The following CLVS1 variants were observed in gnomAD, a reference collection of about 807,000 sequenced individuals.
CLVS1 encodes clavesin-1.
Under a neutral mutation model 33.1 loss-of-function variants are expected in CLVS1, and 10 were observed. The ratio of observed to expected loss-of-function variants is 0.30; its 90% CI spans 0.19 to 0.51. The LOEUF is 0.51. Ranked by LOEUF, CLVS1 falls within the 20% of genes least tolerant of loss-of-function variation. The probability of loss-of-function intolerance (pLI) is 0.97; values close to 1 mark genes in which losing one functional copy is unlikely to be tolerated. For synonymous variants in CLVS1, 163 were observed against 166.1 expected, an observed-to-expected ratio of 0.98 and a Z score of 0.14; for missense variants, 343 against 433.4, an observed-to-expected ratio of 0.79 and a Z score of 1.85.
chr8:61,130,648 C>T (rs1282099204), intron 1 of CLVS1, among the ~76,000 whole-genome samples: 10 of 152,164 alleles, frequency 6.6e-5, no homozygotes, highest in African/African-American at 1.9e-4. Flanking sequence ...AGTTAAAAGG[C>T]ATATATTCAA....
At chr8:61,426,038 A>G (rs1815879866) in intron 3 of CLVS1, among the ~76,000 whole-genome samples, 1 of 152,210 alleles carries the variant, frequency 6.6e-6, no homozygotes, top group Non-Finnish European at 1.5e-5. Flanking sequence ...AAGTTTATCC[A>G]GAGTTAGAAC....
chr8:61,111,827 A>T (rs910641492), intron 1 of CLVS1, among the ~76,000 whole-genome samples: 6 of 152,200 alleles, frequency 3.9e-5, no homozygotes, highest in African/African-American at 1.4e-4. Flanking sequence ...TATAGATTTT[A>T]AAATATTTCA....
intron 1 of CLVS1, among the ~76,000 whole-genome samples, chr8:61,093,265 C>A (rs1207311616): frequency 1.3e-5 from 2 of 152,092 alleles, no homozygotes. Flanking sequence ...CCCCTATATA[C>A]CTTGAGTTGT....
chr8:61,266,067 G>C (rs912825698), intron 2 of CLVS1, among the ~76,000 whole-genome samples: 1 of 152,140 alleles, frequency 6.6e-6, no homozygotes. Context: ...TGTCAGATGA[G>C]AGCCTGTCTG....
At chr8:61,258,220 AATGT>A (rs1809127429) in intron 2 of CLVS1, among the ~76,000 whole-genome samples, 1 of 152,326 alleles carries the variant, frequency 6.6e-6, no homozygotes, top group South Asian at 2.1e-4. Flanking sequence ...ATGAACAAGA[AATGT>A]ATCTGCAGAT....
At chr8:61,465,458 A>T (rs1005202793) in intron 5 of CLVS1, 2 of 151,924 alleles carry the variant, frequency 1.3e-5, no homozygotes, top group Admixed American at 6.6e-5. Context: ...TTTTCTTTGG[A>T]TAATTGTAGC....
At chr8:61,497,884 T>G (rs1385991549) in intron 5 of CLVS1, among the ~76,000 whole-genome samples, 6 of 152,196 alleles carry the variant, frequency 3.9e-5, no homozygotes. Context: ...AACTTCCTGA[T>G]GTTGCTATGG....
intron 2 of CLVS1, among the ~76,000 whole-genome samples, chr8:61,346,866 C>A (rs1812239990): frequency 6.6e-6 from 1 of 152,048 alleles, no homozygotes; most frequent in Admixed American, 6.6e-5. Flanking sequence ...GCAATTGTTG[C>A]AGATCTACTC....
intron 1 of CLVS1, among the ~76,000 whole-genome samples, chr8:61,110,456 T>C (rs910969512): frequency 6.6e-6 from 1 of 152,170 alleles, no homozygotes; most frequent in Non-Finnish European, 1.5e-5. Context: ...TGAATGTGGA[T>C]TTTCCCCCTT....
At chr8:61,289,771 C>T (rs368195024) in intron 1 of CLVS1, among the ~76,000 whole-genome samples, 6 of 152,116 alleles carry the variant, frequency 3.9e-5, no homozygotes, top group African/African-American at 1.2e-4. Flanking sequence ...ATGTATCTTG[C>T]GGAAGAAGTT....
At chr8:61,050,778 C>G in the CLVS1 span, among the ~76,000 whole-genome samples, 1 of 152,240 alleles carries the variant, frequency 6.6e-6, no homozygotes, top group Non-Finnish European at 1.5e-5. Flanking sequence ...GCCTTTGGCA[C>G]CTGTCTGTGG....
chr8:61,249,763 G>A (rs894756291), intron 2 of CLVS1, among the ~76,000 whole-genome samples: 1 of 151,682 alleles, frequency 6.6e-6, no homozygotes, highest in Admixed American at 6.6e-5. Flanking sequence ...TTTTGATGGG[G>A]TTGTTTTTTT....
At chr8:61,487,481 A>C (rs1479729042) in intron 5 of CLVS1, among the ~76,000 whole-genome samples, 2 of 152,240 alleles carry the variant, frequency 1.3e-5, no homozygotes, top group South Asian at 2.1e-4. Context: ...TGTCTCCTAC[A>C]TCGTGTTCTC....
At chr8:61,351,397 A>C (rs1280167029) in intron 2 of CLVS1, among the ~76,000 whole-genome samples, 1 of 152,128 alleles carries the variant, frequency 6.6e-6, no homozygotes, top group African/African-American at 2.4e-5. Context: ...CAATATGAAC[A>C]GAGAGAAAAT....
chr8:61,274,538 A>T (rs1301210387), intron 2 of CLVS1, among the ~76,000 whole-genome samples: 3 of 152,140 alleles, frequency 2.0e-5, no homozygotes, highest in Non-Finnish European at 4.4e-5. Context: ...TGAGTTCATT[A>T]CCATTTGTAC....
At chr8:61,432,713 A>G (rs1342496969) in intron 3 of CLVS1, among the ~76,000 whole-genome samples, 1 of 152,232 alleles carries the variant, frequency 6.6e-6, no homozygotes, top group East Asian at 1.9e-4. Context: ...AATAGATATA[A>G]CAAAAATCTT....
intron 3 of CLVS1, among the ~76,000 whole-genome samples, chr8:61,381,165 T>G (rs1359750799): frequency 5.9e-5 from 9 of 152,146 alleles, no homozygotes; most frequent in African/African-American, 1.9e-4. Flanking sequence ...ACCTTTTTTT[T>G]TTCTGTTAAA....
the CLVS1 span, among the ~76,000 whole-genome samples, chr8:61,035,044 C>T: frequency 6.6e-6 from 1 of 152,214 alleles, no homozygotes; most frequent in Middle Eastern, 3.4e-3. Context: ...CTGTATTATT[C>T]AAAAATTAGC....
the CLVS1 span, among the ~76,000 whole-genome samples, chr8:61,039,465 G>A: frequency 1.8e-4 from 27 of 152,134 alleles, no homozygotes; most frequent in Admixed American, 1.8e-3. Flanking sequence ...TCTTTCTGAA[G>A]GCTCAGTACA....
Sources: allele counts gnomAD v4.1 joint callset (sites outside exome capture counted in the v4.1 genomes callset), GRCh38; gene constraint gnomAD v4.1.1; transcripts MANE v1.5; gene names NCBI Gene and HGNC (gene_info 2026-07-23, HGNC 2026-07-21).